PLGRKT: variants seen among roughly 807,000 people sequenced by gnomAD.
PLGRKT encodes plasminogen receptor (KT).
In PLGRKT, 22 loss-of-function variants were observed where a neutral mutation model predicts 18.5. The observed-to-expected ratio is 1.19, with a 90% CI of 0.85 to 1.70. The LOEUF (loss-of-function observed/expected upper bound fraction) is 1.70, where lower values mean the gene tolerates loss of function less well. Ranked by LOEUF, PLGRKT falls within the 40% of genes most tolerant of loss-of-function variation. The pLI is 0.00. For synonymous variants in PLGRKT, 72 were observed against 52.8 expected, an observed-to-expected ratio of 1.36 and a Z score of -1.58; for missense variants, 235 against 174.4, an observed-to-expected ratio of 1.35 and a Z score of -1.96.
intron 3 of PLGRKT, among the ~76,000 whole-genome samples, chr9:5,404,030 G>A (rs1483179174): frequency 2.6e-5 from 4 of 152,180 alleles, no homozygotes; most frequent in Admixed American, 2.6e-4. Context: ...AAATCTAGAA[G>A]AAATGGGTAC....
At chr9:5,427,061 C>T (rs963253847) in intron 3 of PLGRKT, among the ~76,000 whole-genome samples, 1 of 152,216 alleles carries the variant, frequency 6.6e-6, no homozygotes, top group Non-Finnish European at 1.5e-5. Context: ...TACCCATGGT[C>T]AACCTCAGTC....
At chr9:5,366,420 AC>A (rs1276702042) in intron 3 of PLGRKT, among the ~76,000 whole-genome samples, 3 of 152,142 alleles carry the variant, frequency 2.0e-5, no homozygotes, top group Non-Finnish European at 4.4e-5. Context: ...TTATCTCTGG[AC>A]CTTTTGATAC....
intron 3 of PLGRKT, among the ~76,000 whole-genome samples, chr9:5,423,505 G>C (rs1240436853): frequency 1.3e-5 from 2 of 152,022 alleles, no homozygotes; most frequent in Non-Finnish European, 2.9e-5. Context: ...TTACAGACTT[G>C]TTTCTTCCCT....
intron 2 of PLGRKT, among the ~76,000 whole-genome samples, chr9:5,435,795 G>C (rs1818948868): frequency 6.6e-6 from 1 of 152,224 alleles, no homozygotes; most frequent in Non-Finnish European, 1.5e-5. Flanking sequence ...CTGTTGAGTA[G>C]GGTTGTGAAC....
chr9:5,414,126 T>G (rs534068587), intron 3 of PLGRKT, among the ~76,000 whole-genome samples: 1 of 152,230 alleles, frequency 6.6e-6, no homozygotes, highest in African/African-American at 2.4e-5. Context: ...GGAATGGGAA[T>G]GAGTTAATAG....
intron 3 of PLGRKT, among the ~76,000 whole-genome samples, chr9:5,421,054 C>G (rs1818566456): frequency 6.6e-6 from 1 of 152,186 alleles, no homozygotes; most frequent in Non-Finnish European, 1.5e-5. Flanking sequence ...CTCTCAAAAC[C>G]CTTTAATGGC....
At chr9:5,408,644 C>T (rs573309986) in intron 3 of PLGRKT, among the ~76,000 whole-genome samples, 1 of 152,330 alleles carries the variant, frequency 6.6e-6, no homozygotes, top group Admixed American at 6.5e-5. Flanking sequence ...AGAATTCAAG[C>T]AGGCTGCATC....
In PLGRKT at chr9:5,418,300, T is replaced by C; in HGVS notation, c.81+13597A>G. 1.9e-6 allele frequency: 1 copy of C among 519,746 alleles called. No homozygotes were observed. Among genetic ancestry groups the C allele is most frequent in the Non-Finnish European group, 3.7e-6 (1 of 272,444 alleles). 32.2% of individuals were successfully genotyped at this position (519,746 alleles called of 1,614,324 possible). A position where few individuals can be genotyped will look rare whatever the true frequency, so the allele number is the denominator to read the frequency against. Reference sequence around the variant, plus strand: ...CAGTGTCGCCCCCTCATCTTCTCACTGGGATCTCATCACCAATGTGCTCAA... The same window carrying C: ...CAGTGTCGCCCCCTCATCTTCTCACCGGGATCTCATCACCAATGTGCTCAA... On this transcript the variant is annotated intron_variant, in intron 3 of 5. Transcript: ENST00000223864. The surrounding 1 kb of genome is among the most constrained non-coding windows in gnomAD (Gnocchi z 4.2).
chr9:5,429,160 G>T (rs1310287761), intron 3 of PLGRKT, among the ~76,000 whole-genome samples: 1 of 152,138 alleles, frequency 6.6e-6, no homozygotes, highest in Admixed American at 6.5e-5. Flanking sequence ...ACATACAAAT[G>T]TACAATGACA....
At chr9:5,390,449 G>C (rs1249342182) in intron 3 of PLGRKT, among the ~76,000 whole-genome samples, 1 of 151,806 alleles carries the variant, frequency 6.6e-6, no homozygotes, top group African/African-American at 2.4e-5. Flanking sequence ...AGGCTGAGGG[G>C]GCTGAAGACC....
At position 5,437,881 on chromosome 9, in the gene PLGRKT, C is replaced by T. The variant is rs1271016686; in HGVS notation, c.-225G>A. 1 of 152,284 alleles carries T rather than the reference C, an allele frequency of 6.6e-6. No homozygotes were observed. 9.4% of individuals were successfully genotyped at this position (152,284 alleles called of 1,614,324 possible). A position where few individuals can be genotyped will look rare whatever the true frequency, so the allele number is the denominator to read the frequency against. Reference sequence around the variant, plus strand: ...GCTGCAGGGACCGGGCCTCGCTCCGCCCAGCGTCGGGATTGGCGCCCAGAC... The same window carrying T: ...GCTGCAGGGACCGGGCCTCGCTCCGTCCAGCGTCGGGATTGGCGCCCAGAC... On this transcript the variant is annotated 5_prime_UTR_variant, in exon 1 of 6. Coordinates refer to ENST00000223864, the MANE Select transcript of PLGRKT (RefSeq NM_018465.4).
intron 3 of PLGRKT, among the ~76,000 whole-genome samples, chr9:5,365,153 G>A (rs1817357956): frequency 6.6e-6 from 1 of 152,092 alleles, no homozygotes; most frequent in South Asian, 2.1e-4. Flanking sequence ...GCTCCTTAGA[G>A]AAATAGCTGG....
At chr9:5,369,869 A>G (rs924731717) in intron 3 of PLGRKT, among the ~76,000 whole-genome samples, 15 of 152,250 alleles carry the variant, frequency 9.9e-5, no homozygotes, top group African/African-American at 3.1e-4. Context: ...GTTCTCACTC[A>G]TATGTGGGAG....
chr9:5,423,878 T>C (rs1415599701), intron 3 of PLGRKT, among the ~76,000 whole-genome samples: 3 of 143,030 alleles, frequency 2.1e-5, no homozygotes, highest in Non-Finnish European at 4.6e-5. Context: ...AATATATATG[T>C]AATATAGTCT....
chr9:5,435,721 G>A (rs1023855499), intron 2 of PLGRKT, among the ~76,000 whole-genome samples: 3 of 152,212 alleles, frequency 2.0e-5, no homozygotes, highest in Non-Finnish European at 2.9e-5. Context: ...GCAAAACTCA[G>A]GGGAAAGTTA....
chr9:5,432,554 C>CCG (rs1428753964), intron 2 of PLGRKT, among the ~76,000 whole-genome samples: 1 of 148,602 alleles, frequency 6.7e-6, no homozygotes, highest in Non-Finnish European at 1.5e-5. Flanking sequence ...CTGGACTGTA[C>CCG]CGCCATGATC....
chr9:5,382,761 G>T (rs1012652734), intron 3 of PLGRKT, among the ~76,000 whole-genome samples: 1 of 152,216 alleles, frequency 6.6e-6, no homozygotes, highest in African/African-American at 2.4e-5. Flanking sequence ...GACCCACTAG[G>T]GAAGTGTCCA....
chr9:5,424,691 T>TATATATATATATATATATATACACAC (rs201541927), intron 3 of PLGRKT, among the ~76,000 whole-genome samples: 2 of 70,486 alleles, frequency 2.8e-5, no homozygotes, highest in African/African-American at 1.2e-4. Context: ...TATATATATA[T>TATATATATATATATATATATACACAC]ACACACAGGG....
At chr9:5,433,659 G>T (rs1317304335) in intron 2 of PLGRKT, among the ~76,000 whole-genome samples, 1 of 146,338 alleles carries the variant, frequency 6.8e-6, no homozygotes, top group African/African-American at 2.6e-5. Flanking sequence ...CCCCGTCTGG[G>T]ATGTGAGGAG....
Sources: allele counts gnomAD v4.1 joint callset (sites outside exome capture counted in the v4.1 genomes callset), GRCh38; gene constraint gnomAD v4.1.1; non-coding constraint Gnocchi (gnomAD v3.1); transcripts MANE v1.5; gene names NCBI Gene and HGNC (gene_info 2026-07-23, HGNC 2026-07-21).